NAALAD2: variants seen among roughly 807,000 people sequenced by gnomAD.
NAALAD2 encodes the protein N-acetylated-alpha-linked acidic dipeptidase 2.
A neutral mutation model predicts 95.6 loss-of-function variants in NAALAD2; 89 were observed. The ratio of observed to expected loss-of-function variants is 0.93; its 90% CI spans 0.78 to 1.11. NAALAD2 has a LOEUF of 1.11. Among genes scored for constraint, NAALAD2 ranks in the 50% least tolerant of loss-of-function variants. NAALAD2 has a pLI of 0.00. For missense variants in NAALAD2, 894 were observed against 872.4 expected (o/e 1.02, Z -0.31); for synonymous variants, 264 against 294.4 (o/e 0.90, Z 1.06).
Position 90,152,405 on chromosome 11 carries a change from TG to T in NAALAD2, c.719del (p.Gly240GlufsTer10), listed in dbSNP as rs1951913304. The T allele has an allele frequency of 6.2e-7, 1 of 1,613,846 alleles. No individual in the cohort carries two copies. Among genetic ancestry groups the T allele is most frequent in the African/African-American group, 1.3e-5 (1 of 74,918 alleles). On this transcript the variant is annotated frameshift_variant, in exon 6 of 19. Coordinates refer to ENST00000534061, the MANE Select transcript of NAALAD2 (RefSeq NM_005467.4). LOFTEE classifies it high-confidence loss of function. ...QPYPKGWNLP[G>X]TAAQRGNVLN... ...CATATCCCAAAGGATGGAATCTTCC[TG>T]GAACTGCAGCCCAGAGAGGAAATGT...
Position 90,159,098 on chromosome 11 carries a change from C to G in NAALAD2, c.891-141C>G, listed in dbSNP as rs113447625. On this transcript the variant is annotated intron_variant, in intron 7 of 18. Transcript: ENST00000534061. ...GCTAGAAAATAAGCTCCACAAAGGGCGGGCTTTTTGACAGTACCTGGCACT... is the reference window on the plus strand; with the variant it reads ...GCTAGAAAATAAGCTCCACAAAGGGGGGGCTTTTTGACAGTACCTGGCACT... 34 of 661,046 alleles carry G rather than the reference C, an allele frequency of 5.1e-5. No homozygotes were observed. The African/African-American group carries it at 5.1e-4, about 10-fold the overall frequency. The allele number at this position is 661,046 out of a possible 1,614,324, so 40.9% of individuals were successfully genotyped here.
intron 13 of NAALAD2, among the ~76,000 whole-genome samples, chr11:90,172,589 T>C (rs989977823): frequency 2.0e-5 from 3 of 152,222 alleles, no homozygotes; most frequent in Admixed American, 1.3e-4. Context: ...GAGACATATC[T>C]ATCTCTCATC....
At chr11:90,162,064 T>G (rs1159347431) in intron 8 of NAALAD2, among the ~76,000 whole-genome samples, 1 of 152,158 alleles carries the variant, frequency 6.6e-6, no homozygotes, top group African/African-American at 2.4e-5. Context: ...TATACAAGTT[T>G]CGGGGGCTTA....
At chr11:90,166,663 A>G (rs1952458658) in intron 11 of NAALAD2, among the ~76,000 whole-genome samples, 1 of 151,636 alleles carries the variant, frequency 6.6e-6, no homozygotes, top group Non-Finnish European at 1.5e-5. Context: ...GTGAAACCCC[A>G]CCTCTACTAA....
chr11:90,167,529 G>C (rs538066087), intron 11 of NAALAD2, among the ~76,000 whole-genome samples: 3 of 152,330 alleles, frequency 2.0e-5, no homozygotes, highest in Admixed American at 2.0e-4. Context: ...AAGTGCCGGC[G>C]CACATCGTGG....
chr11:90,159,441 C>G, intron 8 of NAALAD2, 104 bp downstream of exon 8: 1 of 761,554 alleles, frequency 1.3e-6, no homozygotes, highest in Non-Finnish European at 2.1e-6. Context: ...CTCTTTTTCT[C>G]TTTCTAAACA....
intron 18 of NAALAD2, among the ~76,000 whole-genome samples, chr11:90,184,987 G>C (rs1377223738): frequency 2.0e-5 from 3 of 152,060 alleles, no homozygotes; most frequent in Non-Finnish European, 4.4e-5. Context: ...AAGCAATCTA[G>C]AGCTGATTTA....
chr11:90,134,771 A>G lies in NAALAD2; in HGVS notation c.13A>G (p.Arg5Gly), dbSNP rs1004399621. The change falls in exon 1 of 19, where the codon AGG becomes GGG. Residue 5 changes from arginine (R) to glycine (G), a missense_variant. By Grantham distance (125) the Arg-to-Gly change is moderately radical. Coordinates refer to ENST00000534061, the MANE Select transcript of NAALAD2 (RefSeq NM_005467.4). MAESRGRLYLWMCLA... is the reference protein window; with the variant it reads MAESGGRLYLWMCLA... Reference sequence around the variant, plus strand: ...TCCTCAAGAAGCCATGGCGGAATCCAGGGGCCGTCTGTACCTTTGGATGTG... The same window carrying G: ...TCCTCAAGAAGCCATGGCGGAATCCGGGGGCCGTCTGTACCTTTGGATGTG... The G allele has an allele frequency of 1.2e-6, 2 of 1,614,020 alleles. No homozygotes were observed. Among genetic ancestry groups the G allele is most frequent in the Non-Finnish European group, 1.7e-6 (2 of 1,180,014 alleles).
intron 6 of NAALAD2, among the ~76,000 whole-genome samples, chr11:90,157,840 C>T (rs1952166018): frequency 6.6e-6 from 1 of 151,996 alleles, no homozygotes; most frequent in Non-Finnish European, 1.5e-5. Flanking sequence ...CCCACCTCAG[C>T]TTCCCAAGTA....
intron 17 of NAALAD2, 52 bp downstream of exon 17, chr11:90,181,753 T>A (rs754201265): frequency 3.5e-6 from 4 of 1,130,102 alleles, no homozygotes; most frequent in Non-Finnish European, 5.2e-6. Context: ...GCAATCTGGT[T>A]ACTAGAATGA....
At position 90,143,108 on chromosome 11, in the gene NAALAD2, G is replaced by T. The variant is rs555113002; in HGVS notation, c.195-4222G>T. ...AATGTTATATTTTTTCTTTGAACAT[G>T]TATATGTATTGTAAACCAATTAAAG... On this transcript the variant is annotated intron_variant, in intron 2 of 18. Transcript: ENST00000534061. Among the ~76,000 whole-genome samples, 556 of 152,102 alleles carry T rather than the reference G, an allele frequency of 3.7e-3. 4 individuals carry two copies. The highest frequency in any genetic ancestry group is 6.4e-3 in the Non-Finnish European group (432 of 67,950).
intron 2 of NAALAD2, among the ~76,000 whole-genome samples, chr11:90,139,650 C>G (rs1018711902): frequency 6.6e-6 from 1 of 152,096 alleles, no homozygotes; most frequent in African/African-American, 2.4e-5. Context: ...TCCACCTTTA[C>G]CTTCCTTTTG....
chr11:90,184,872 A>G (rs894856139), intron 18 of NAALAD2, among the ~76,000 whole-genome samples: 1 of 152,122 alleles, frequency 6.6e-6, no homozygotes, highest in African/African-American at 2.4e-5. Context: ...TGAAAAAAAA[A>G]TGAATGGTTG....
At chr11:90,177,794 A>C in intron 15 of NAALAD2, 59 bp from the exon 16 acceptor site, 1 of 1,458,316 alleles carries the variant, frequency 6.9e-7, no homozygotes, top group South Asian at 1.3e-5. Context: ...CTTACATAAA[A>C]ATATTATAAC....
intron 2 of NAALAD2, among the ~76,000 whole-genome samples, chr11:90,141,000 T>C (rs1951598033): frequency 6.6e-6 from 1 of 152,178 alleles, no homozygotes; most frequent in Non-Finnish European, 1.5e-5. Context: ...TGCACCTTTG[T>C]TAAAAATTGG....
At chr11:90,160,560 T>A (rs1465751037) in intron 8 of NAALAD2, among the ~76,000 whole-genome samples, 1 of 152,208 alleles carries the variant, frequency 6.6e-6, no homozygotes, top group Non-Finnish European at 1.5e-5. Context: ...ATGTTTGATT[T>A]ATATGTGTTT....
intron 9 of NAALAD2, 50 bp downstream of exon 9, chr11:90,163,084 G>A (rs372325872): frequency 6.4e-5 from 88 of 1,379,674 alleles, no homozygotes; most frequent in Non-Finnish European, 8.4e-5. Context: ...AAATTAAAGG[G>A]TAAGTAAAGA....
rs544907743 is a variant in NAALAD2 at position 90,185,812 on chromosome 11, T to A, written c.2033+2804T>A. The stretch of plus-strand genomic sequence containing the variant: ...TGAGTCCTATTTGAACATTTGTTAA[T>A]ATCTCTATAATCAGGACCTGGGATT... On this transcript the variant is annotated intron_variant, in intron 18 of 18. Coordinates refer to ENST00000534061, the MANE Select transcript of NAALAD2 (RefSeq NM_005467.4). 5.3e-5 allele frequency among the ~76,000 whole-genome samples: 8 copies of A among 151,954 alleles called. No individual in the cohort carries two copies. The South Asian group carries it at 1.7e-3, about 32-fold the overall frequency.
At chr11:90,178,268 T>A in intron 16 of NAALAD2, 151 bp downstream of exon 16, 2 of 830,776 alleles carry the variant, frequency 2.4e-6, no homozygotes, top group East Asian at 2.6e-5. Flanking sequence ...AACAAACACC[T>A]ATTAAAGAAT....
Sources: allele counts gnomAD v4.1 joint callset (sites outside exome capture counted in the v4.1 genomes callset), GRCh38; gene constraint gnomAD v4.1.1; transcripts MANE v1.5; gene names NCBI Gene and HGNC (gene_info 2026-07-23, HGNC 2026-07-21).